Variants in CDH13 observed in about 807,000 individuals in gnomAD.
The protein encoded by CDH13 is cadherin-13.
In CDH13, 24 loss-of-function variants were observed where a neutral mutation model predicts 63.8. The observed-to-expected ratio is 0.38, with a 90% CI of 0.27 to 0.53. CDH13 has a LOEUF of 0.53. Among genes scored for constraint, CDH13 ranks in the 20% least tolerant of loss-of-function variants. CDH13 has a pLI of 0.85. For missense variants in CDH13, 1,049 were observed against 903.1 expected, an observed-to-expected ratio of 1.16 and a Z score of -2.07; for synonymous variants, 503 against 355.3, an observed-to-expected ratio of 1.42 and a Z score of -4.67.
intron 1 of CDH13, among the ~76,000 whole-genome samples, chr16:82,728,896 T>A (rs1156235167): frequency 1.3e-5 from 2 of 152,238 alleles, no homozygotes; most frequent in Admixed American, 1.3e-4. Context: ...GGTACTGTTT[T>A]AAATCTTTTG....
intron 5 of CDH13, among the ~76,000 whole-genome samples, chr16:83,312,266 C>T (rs770625899): frequency 6.6e-6 from 1 of 152,102 alleles, no homozygotes; most frequent in Non-Finnish European, 1.5e-5. Context: ...CACAGTACTG[C>T]TCTTATGTGA....
chr16:83,657,349 C>G (rs183555574), intron 8 of CDH13, among the ~76,000 whole-genome samples: 145 of 152,272 alleles, frequency 9.5e-4, no homozygotes, highest in African/African-American at 3.2e-3. Context: ...CCCCATAGAC[C>G]GTCAAGAAGA....
chr16:82,656,260 G>T lies in CDH13; in HGVS notation c.45+29123G>T, dbSNP rs560336611. Among the ~76,000 whole-genome samples, 5 of 152,106 alleles carry T rather than the reference G, an allele frequency of 3.3e-5. No homozygotes were observed. The South Asian group carries it at 8.3e-4, about 25-fold the overall frequency. Reference sequence around the variant, plus strand: ...TAGAAGGAGAATGGCAGCTGGCTCAGTGTGGCTGGAGAAAGAGGCTGGAGT... The same window carrying T: ...TAGAAGGAGAATGGCAGCTGGCTCATTGTGGCTGGAGAAAGAGGCTGGAGT... On this transcript the variant is annotated intron_variant, in intron 1 of 13. Transcript: ENST00000567109.
At chr16:82,951,942 T>C (rs997881905) in intron 2 of CDH13, among the ~76,000 whole-genome samples, 4 of 152,176 alleles carry the variant, frequency 2.6e-5, no homozygotes, top group Non-Finnish European at 5.9e-5. Flanking sequence ...CATTTTTCTT[T>C]AGTGCAAGGT....
intron 5 of CDH13, among the ~76,000 whole-genome samples, chr16:83,271,454 T>TAAAAAAAAAAA (rs2088810570): frequency 3.5e-4 from 6 of 17,142 alleles, no homozygotes; most frequent in Non-Finnish European, 7.3e-4. Context: ...AAAAAAAAAT[T>TAAAAAAAAAAA]CATGGTTGCT....
intron 3 of CDH13, among the ~76,000 whole-genome samples, chr16:83,065,852 G>T (rs928291127): frequency 1.3e-5 from 2 of 152,096 alleles, no homozygotes; most frequent in Non-Finnish European, 2.9e-5. Flanking sequence ...CACAGCTGGG[G>T]AAACTTCCTC....
rs551623751 is a variant in CDH13 at position 83,690,096 on chromosome 16, C to T, written c.1538+11635C>T. Among the ~76,000 whole-genome samples the T allele has an allele frequency of 2.0e-5, 3 of 152,198 alleles. No homozygotes were observed. In the South Asian group the frequency reaches 6.2e-4, roughly 32 times the overall value. ...GCTGAGGCAGAAGAACCACTTGAACCCGGGAGGCGGAGATGGTGGTGAGCC... is the reference window on the plus strand; with the variant it reads ...GCTGAGGCAGAAGAACCACTTGAACTCGGGAGGCGGAGATGGTGGTGAGCC... On this transcript the variant is annotated intron_variant, in intron 10 of 13. Transcript: ENST00000567109.
At chr16:83,177,770 G>A (rs1013766960) in intron 4 of CDH13, among the ~76,000 whole-genome samples, 6 of 152,186 alleles carry the variant, frequency 3.9e-5, no homozygotes, top group Non-Finnish European at 8.8e-5. Context: ...TTAAGAACAA[G>A]AGAATGTCAA....
At chr16:83,764,218 C>G (rs1914202655) in intron 11 of CDH13, among the ~76,000 whole-genome samples, 1 of 152,238 alleles carries the variant, frequency 6.6e-6, no homozygotes, top group African/African-American at 2.4e-5. Flanking sequence ...TGGTGGTGAT[C>G]TGAGCATTTT....
At chr16:83,102,783 G>A (rs1264438235) in intron 3 of CDH13, among the ~76,000 whole-genome samples, 1 of 151,858 alleles carries the variant, frequency 6.6e-6, no homozygotes, top group South Asian at 2.1e-4. Context: ...AGGGTAAGAG[G>A]GTAAGAAATA....
intron 1 of CDH13, among the ~76,000 whole-genome samples, chr16:82,842,076 C>T (rs1160587776): frequency 7.4e-6 from 1 of 135,656 alleles, no homozygotes; most frequent in African/African-American, 2.8e-5. Flanking sequence ...AAATCTGAGC[C>T]AGTCTTGCAT....
chr16:83,768,962 C>G (rs912198305), intron 11 of CDH13, among the ~76,000 whole-genome samples: 8 of 152,200 alleles, frequency 5.3e-5, no homozygotes, highest in African/African-American at 1.4e-4. Flanking sequence ...AGGTCTCATC[C>G]TCATTTTACC....
chr16:83,101,499 A>G (rs114379606), intron 3 of CDH13, among the ~76,000 whole-genome samples: 2,273 of 151,916 alleles, frequency 0.015, 55 homozygotes, highest in African/African-American at 0.052. Context: ...TGTTTTAGAA[A>G]TACTGGGTAG....
intron 6 of CDH13, among the ~76,000 whole-genome samples, chr16:83,474,392 T>C (rs891996708): frequency 1.3e-5 from 2 of 152,154 alleles, no homozygotes; most frequent in Non-Finnish European, 2.9e-5. Flanking sequence ...TCAGCTTCTA[T>C]CATTCCAAGG....
rs376974428 is a variant in CDH13, at chr16:83,695,687, T to C, written c.1538+17226T>C. Reference sequence around the variant, plus strand: ...AAGAATAGGGGCCAGGAAGAAAGGATAAAACATAATGAAATAGAAAAGGCA... The same window carrying C: ...AAGAATAGGGGCCAGGAAGAAAGGACAAAACATAATGAAATAGAAAAGGCA... On this transcript the variant is annotated intron_variant, in intron 10 of 13. Transcript: ENST00000567109. Among the ~76,000 whole-genome samples, 3 of 152,242 alleles carry C rather than the reference T, an allele frequency of 2.0e-5. No homozygotes were observed. The East Asian group carries it at 5.8e-4, about 29-fold the overall frequency.
intron 3 of CDH13, among the ~76,000 whole-genome samples, chr16:83,060,328 C>T (rs1051734230): frequency 7.2e-5 from 11 of 152,164 alleles, no homozygotes; most frequent in Admixed American, 3.9e-4. Flanking sequence ...TTGATAAATG[C>T]GTAGGTCTCC....
intron 5 of CDH13, among the ~76,000 whole-genome samples, chr16:83,247,125 T>C (rs1195617129): frequency 2.0e-5 from 3 of 152,208 alleles, no homozygotes; most frequent in African/African-American, 2.4e-5. Context: ...TTGGAGATCA[T>C]TGGTACCTGT....
chr16:82,756,958 T>G (rs1437906494), intron 1 of CDH13, among the ~76,000 whole-genome samples: 1 of 152,240 alleles, frequency 6.6e-6, no homozygotes, highest in East Asian at 1.9e-4. Flanking sequence ...TCCTCATCTA[T>G]ATCAGTGGCT....
At chr16:83,479,759 C>T (rs1199068083) in intron 6 of CDH13, among the ~76,000 whole-genome samples, 1 of 152,136 alleles carries the variant, frequency 6.6e-6, no homozygotes, top group Non-Finnish European at 1.5e-5. Context: ...TACTTCTAAG[C>T]AAGAGAAAGT....
Sources: allele counts gnomAD v4.1 joint callset (sites outside exome capture counted in the v4.1 genomes callset), GRCh38; gene constraint gnomAD v4.1.1; transcripts MANE v1.5; gene names NCBI Gene and HGNC (gene_info 2026-07-23, HGNC 2026-07-21).